The following SLC37A2 variants were observed in gnomAD, a reference collection of about 807,000 sequenced individuals.
The protein encoded by SLC37A2 is glucose-6-phosphate exchanger SLC37A2.
Under a neutral mutation model 70.7 loss-of-function variants are expected in SLC37A2, and 59 were observed. The observed-to-expected ratio is 0.83, with a 90% CI of 0.68 to 1.04. The LOEUF is 1.04. Among genes scored for constraint, SLC37A2 ranks in the 50% least tolerant of loss-of-function variants. The pLI is 0.00. For synonymous variants in SLC37A2, 257 were observed against 262.1 expected, an observed-to-expected ratio of 0.98 and a Z score of 0.19; for missense variants, 580 against 658.1, an observed-to-expected ratio of 0.88 and a Z score of 1.30.
chr11:125,087,159 A>C (rs548338970), intron 17 of SLC37A2: 2 of 152,604 alleles, frequency 1.3e-5, no homozygotes, highest in East Asian at 3.9e-4. Flanking sequence ...TTTAGTGAGC[A>C]ACTGCTCTGT....
rs115294669 is a variant in SLC37A2 at position 125,063,831 on chromosome 11, T to G, written c.59+405T>G. On this transcript the variant is annotated intron_variant, in intron 1 of 17. Coordinates refer to ENST00000403796, the MANE Select transcript of SLC37A2 (RefSeq NM_001145290.2). This position sits in a 1 kb window ranked among gnomAD's most constrained non-coding sequence, Gnocchi z 5.4. The stretch of plus-strand genomic sequence containing the variant: ...CCAGGGGATGGTAGAGGAAAGGGGT[T>G]GCCACTGGGGTTTGTGAGTGTCCCT... Among the ~76,000 whole-genome samples the G allele has an allele frequency of 0.015, 2,255 of 152,310 alleles. 56 individuals are homozygous for G. Among genetic ancestry groups the G allele is most frequent in the African/African-American group, 0.052 (2,145 of 41,560 alleles).
At chr11:125,074,675 T>C (rs1413687837) in intron 1 of SLC37A2, among the ~76,000 whole-genome samples, 1 of 152,116 alleles carries the variant, frequency 6.6e-6, no homozygotes, top group Non-Finnish European at 1.5e-5. Context: ...TGGGTCCCCA[T>C]TGGCTCTGAC....
chr11:125,079,398 T>C (rs1277496240), intron 5 of SLC37A2, 151 bp downstream of exon 5: 2 of 1,039,320 alleles, frequency 1.9e-6, no homozygotes, highest in Non-Finnish European at 2.8e-6. Flanking sequence ...CTGGCCCCAC[T>C]GCCCCCGCAT....
At position 125,080,702 on chromosome 11, in the gene SLC37A2, C is replaced by A; in HGVS notation, c.616C>A (p.Gln206Lys). 1 of 1,580,952 alleles carries A rather than the reference C, an allele frequency of 6.3e-7. No individual in the cohort carries two copies. Among genetic ancestry groups the A allele is most frequent in the Non-Finnish European group, 8.6e-7 (1 of 1,162,832 alleles). ...GATCGCCGGCATCTGGGTGAACGGG[C>A]AGTGGGGCCTGTCGTTCATCGTGCC... ...SLIAGIWVNGQWGLSFIVPGI... is the reference protein window; with the variant it reads ...SLIAGIWVNGKWGLSFIVPGI... The change falls in exon 7 of 18, where the codon CAG becomes AAG. Residue 206 changes from glutamine to lysine, a missense_variant. Gln to Lys is a moderately conservative substitution (Grantham distance 53, BLOSUM62 1). Coordinates refer to ENST00000403796, the MANE Select transcript of SLC37A2 (RefSeq NM_001145290.2). This position sits in a 1 kb window ranked among gnomAD's most constrained non-coding sequence, Gnocchi z 4.3.
rs989551581 is a variant in SLC37A2, at chr11:125,089,302, G to A, written c.*1168G>A. On this transcript the variant is annotated 3_prime_UTR_variant, in exon 18 of 18. Transcript: ENST00000403796. ...AGCGAGGCTGGCATGGGGTGCTGAA[G>A]TGGGGTCTCAGTGAGGGGTGACAGC... 6.5e-6 allele frequency: 1 copy of A among 153,728 alleles called. No homozygotes were observed. Among genetic ancestry groups the A allele is most frequent in the Non-Finnish European group, 1.4e-5 (1 of 69,212 alleles). 9.5% of individuals were successfully genotyped at this position (153,728 alleles called of 1,614,324 possible). A position where few individuals can be genotyped will look rare whatever the true frequency, so the allele number is the denominator to read the frequency against.
intron 1 of SLC37A2, among the ~76,000 whole-genome samples, chr11:125,070,538 C>G (rs752389681): frequency 7.9e-5 from 12 of 152,206 alleles, no homozygotes; most frequent in Non-Finnish European, 8.8e-5. Flanking sequence ...GCCAATTTTG[C>G]TCGAAGTCTG....
At chr11:125,081,379 C>A in intron 7 of SLC37A2, 42 bp from the exon 8 acceptor site, 1 of 1,199,718 alleles carries the variant, frequency 8.3e-7, no homozygotes. Flanking sequence ...ATTGGGGGGG[C>A]GGGGGTTGGG....
At position 125,079,095 on chromosome 11, in the gene SLC37A2, A is replaced by G; in HGVS notation, c.315-17A>G. The G allele has an allele frequency of 6.2e-7, 1 of 1,613,982 alleles. No individual in the cohort carries two copies. Among genetic ancestry groups the G allele is most frequent in the Non-Finnish European group, 8.5e-7 (1 of 1,179,920 alleles). ...CACAGAGGAGCTTAACCGCAGATCC[A>G]ACTTTCTCTTCCCCAGTGGGGTTTT... On this transcript the variant is annotated splice_polypyrimidine_tract_variant and intron_variant, in intron 4 of 17. Coordinates refer to ENST00000403796, the MANE Select transcript of SLC37A2 (RefSeq NM_001145290.2).
chr11:125,076,586 G>A (rs1198461797), intron 1 of SLC37A2, among the ~76,000 whole-genome samples, 171 bp from the exon 2 acceptor site: 1 of 152,202 alleles, frequency 6.6e-6, no homozygotes, highest in African/African-American at 2.4e-5. Context: ...TGAGCACCCT[G>A]GCCTCTGGGC....
intron 1 of SLC37A2, among the ~76,000 whole-genome samples, chr11:125,075,753 TGGA>T (rs767932024): frequency 1.3e-5 from 2 of 152,178 alleles, no homozygotes; most frequent in Non-Finnish European, 2.9e-5. Flanking sequence ...GTCTGGGGTG[TGGA>T]GGAGGATTCC....
chr11:125,068,747 G>A (rs552935327), intron 1 of SLC37A2, among the ~76,000 whole-genome samples: 99 of 152,350 alleles, frequency 6.5e-4, no homozygotes, highest in Admixed American at 1.0e-3. Context: ...CATTATTAAT[G>A]ATGGTGATGT....
intron 17 of SLC37A2, 133 bp downstream of exon 17, chr11:125,086,151 G>A (rs1021494496): frequency 3.2e-6 from 5 of 1,557,468 alleles, no homozygotes; most frequent in Admixed American, 3.3e-5. Context: ...CCAGTCCCTG[G>A]GTGGCCCTCA....
intron 1 of SLC37A2, among the ~76,000 whole-genome samples, chr11:125,068,670 G>T (rs1005593779): frequency 6.6e-6 from 1 of 152,186 alleles, no homozygotes; most frequent in Non-Finnish European, 1.5e-5. Flanking sequence ...CACATAAAAG[G>T]TTAGAGATTA....
At chr11:125,076,663 G>A (rs1168874503) in intron 1 of SLC37A2, 94 bp from the exon 2 acceptor site, 3 of 1,152,842 alleles carry the variant, frequency 2.6e-6, no homozygotes, top group Admixed American at 3.5e-5. Flanking sequence ...TCAGGCCCTG[G>A]GACTGCCAGA....
chr11:125,072,484 C>T (rs549941958), intron 1 of SLC37A2, among the ~76,000 whole-genome samples: 239 of 152,300 alleles, frequency 1.6e-3, no homozygotes, highest in African/African-American at 5.4e-3. Flanking sequence ...ATCCTTTGGT[C>T]CTTGGCCTAC....
chr11:125,078,445 T>G (rs1949113102), intron 4 of SLC37A2, among the ~76,000 whole-genome samples: 1 of 152,154 alleles, frequency 6.6e-6, no homozygotes, highest in African/African-American at 2.4e-5. Flanking sequence ...GCTGTTGAGC[T>G]TATGTTACTA....
In SLC37A2 at chr11:125,090,131, T is replaced by C. The variant is rs368700743; in HGVS notation, c.*1997T>C. On this transcript the variant is annotated 3_prime_UTR_variant, in exon 18 of 18. Coordinates refer to ENST00000403796, the MANE Select transcript of SLC37A2 (RefSeq NM_001145290.2). ...TTATATCTAGCTCAGGGATTGTAAA[T>C]ACACCCATCGGCACTGTGTATCTAG... The C allele has an allele frequency of 8.6e-5, 13 of 150,828 alleles. No individual in the cohort carries two copies. Among genetic ancestry groups the C allele is most frequent in the African/African-American group, 2.9e-4 (12 of 40,724 alleles). The allele number at this position is 150,828 out of a possible 1,614,324, so 9.3% of individuals were successfully genotyped here.
chr11:125,081,619 G>A (rs1440073189), intron 8 of SLC37A2, 135 bp from the exon 9 acceptor site: 1 of 1,394,190 alleles, frequency 7.2e-7, no homozygotes, highest in East Asian at 2.4e-5. Context: ...GATGAGTCTG[G>A]CAGGTCAGTC....
chr11:125,086,359 T>G (rs561130971), intron 17 of SLC37A2: 21 of 967,394 alleles, frequency 2.2e-5, no homozygotes, highest in East Asian at 1.4e-4. Context: ...ACTTTCTCTT[T>G]CTTCTTGTGG....
Sources: allele counts gnomAD v4.1 joint callset (sites outside exome capture counted in the v4.1 genomes callset), GRCh38; gene constraint gnomAD v4.1.1; non-coding constraint Gnocchi (gnomAD v3.1); transcripts MANE v1.5; gene names NCBI Gene and HGNC (gene_info 2026-07-23, HGNC 2026-07-21).